SUCLG2: variants seen among roughly 807,000 people sequenced by gnomAD.
SUCLG2 encodes the protein succinate--CoA ligase [GDP-forming] subunit beta, mitochondrial.
A neutral mutation model predicts 47.9 loss-of-function variants in SUCLG2; 42 were observed. That is an observed-to-expected ratio of 0.88 (90% confidence interval 0.69 to 1.14). SUCLG2 has a LOEUF of 1.14. Ranked by LOEUF, SUCLG2 falls within the 50% of genes most tolerant of loss-of-function variation. The pLI, the probability that SUCLG2 is intolerant of heterozygous loss-of-function variation, is 0.00. For missense variants in SUCLG2, 571 were observed against 525.9 expected, an observed-to-expected ratio of 1.09 and a Z score of -0.84; for synonymous variants, 195 against 197.3, an observed-to-expected ratio of 0.99 and a Z score of 0.10.
In SUCLG2 at chr3:67,591,074, C is replaced by T. The variant is rs554759324; in HGVS notation, c.226+18381G>A. Among the ~76,000 whole-genome samples, 16 of 152,282 alleles carry T rather than the reference C, an allele frequency of 1.1e-4. No individual in the cohort carries two copies. In the South Asian group the frequency reaches 2.5e-3, roughly 24 times the overall value. ...GAAAAGTACATAATATACACTAATG[C>T]TGTGCATTTATTGATCTCTAATCGG... On this transcript the variant is annotated intron_variant, in intron 2 of 10. Transcript: ENST00000307227.
At chr3:67,467,229 C>T (rs770603449) in intron 9 of SUCLG2, among the ~76,000 whole-genome samples, 8 of 152,186 alleles carry the variant, frequency 5.3e-5, no homozygotes, top group Non-Finnish European at 1.0e-4. Context: ...AATAACTATC[C>T]TCCGAAATCT....
intron 10 of SUCLG2, among the ~76,000 whole-genome samples, chr3:67,393,855 G>A (rs1489949669): frequency 2.0e-5 from 3 of 152,052 alleles, no homozygotes; most frequent in African/African-American, 2.4e-5. Flanking sequence ...AGCAGCATTC[G>A]CGGTTCATGA....
At chr3:67,577,300 T>C (rs1038857798) in intron 2 of SUCLG2, among the ~76,000 whole-genome samples, 5 of 74,504 alleles carry the variant, frequency 6.7e-5, no homozygotes, top group Admixed American at 1.9e-4. Flanking sequence ...AGAGACAGAC[T>C]GTCTCAAAAA....
At chr3:67,360,903 A>G (rs1454290407) in intron 10 of SUCLG2, 3 of 748,184 alleles carry the variant, frequency 4.0e-6, no homozygotes, top group Non-Finnish European at 3.9e-6. Context: ...TTCTTCTCCC[A>G]CTGGAGGAAT....
intron 1 of SUCLG2, among the ~76,000 whole-genome samples, chr3:67,643,987 G>A (rs1701147703): frequency 6.6e-6 from 1 of 152,180 alleles, no homozygotes; most frequent in South Asian, 2.1e-4. Context: ...GGGCCTAATA[G>A]TGGACCTGTG....
chr3:67,376,174 A>AC (rs111437950), intron 10 of SUCLG2: 664,200 of 984,666 alleles, frequency 0.67, 224,370 homozygotes, highest in Middle Eastern at 0.82. Flanking sequence ...ACCAGAAGTC[A>AC]CTTGTCTTAA....
chr3:67,614,263 T>A (rs148508411), intron 1 of SUCLG2, among the ~76,000 whole-genome samples: 2 of 151,982 alleles, frequency 1.3e-5, no homozygotes, highest in Non-Finnish European at 2.9e-5. Context: ...CTGCCTAAAT[T>A]TGAGACTCTG....
intron 1 of SUCLG2, among the ~76,000 whole-genome samples, chr3:67,617,903 T>C (rs1700658938): frequency 6.6e-6 from 1 of 152,232 alleles, no homozygotes; most frequent in African/African-American, 2.4e-5. Flanking sequence ...AACAAGTAGA[T>C]ACCTGGCAAT....
chr3:67,587,515 C>G lies in SUCLG2; in HGVS notation c.226+21940G>C, dbSNP rs533063291. Reference sequence around the variant, plus strand: ...GTGACAAATGAATGTTGAAAAAGAGCTGGCATTTCTTCCAAGATTTGAGAA... The same window carrying G: ...GTGACAAATGAATGTTGAAAAAGAGGTGGCATTTCTTCCAAGATTTGAGAA... On this transcript the variant is annotated intron_variant, in intron 2 of 10. Transcript: ENST00000307227. Among the ~76,000 whole-genome samples, 24 of 152,292 alleles carry G rather than the reference C, an allele frequency of 1.6e-4. 1 individual carries two copies. In the East Asian group the frequency reaches 2.7e-3, roughly 17 times the overall value.
chr3:67,639,389 C>T (rs560203934), intron 1 of SUCLG2, among the ~76,000 whole-genome samples: 1 of 151,664 alleles, frequency 6.6e-6, no homozygotes, highest in African/African-American at 2.4e-5. Context: ...ACCAGTTGTC[C>T]GAGGCACAAA....
chr3:67,585,224 C>G (rs574710611), intron 2 of SUCLG2, among the ~76,000 whole-genome samples: 1 of 152,306 alleles, frequency 6.6e-6, no homozygotes, highest in African/African-American at 2.4e-5. Flanking sequence ...CTCTCTTTCT[C>G]TAATCACCTG....
Position 67,390,638 on chromosome 3 carries a change from T to A in SUCLG2, c.1183+10093A>T, listed in dbSNP as rs79526557. On this transcript the variant is annotated intron_variant, in intron 10 of 10. Transcript: ENST00000307227. The stretch of plus-strand genomic sequence containing the variant: ...TTTCTGGTGTGAATAAAGAACAAAT[T>A]ATCTGAAATGAGGGTTTTTTTTTTT... 7.6e-3 allele frequency among the ~76,000 whole-genome samples: 1,150 copies of A among 150,416 alleles called. 24 individuals are homozygous for A. The East Asian group carries it at 0.091, about 12-fold the overall frequency.
chr3:67,528,990 C>T, intron 3 of SUCLG2, 97 bp downstream of exon 3: 2 of 1,041,000 alleles, frequency 1.9e-6, no homozygotes, highest in Non-Finnish European at 2.8e-6. Flanking sequence ...CCCGCTCCTA[C>T]CCCACCACAA....
At chr3:67,456,948 T>C (rs1704200943) in intron 9 of SUCLG2, among the ~76,000 whole-genome samples, 2 of 152,218 alleles carry the variant, frequency 1.3e-5, no homozygotes, top group Non-Finnish European at 2.9e-5. Context: ...TTTATACCTT[T>C]ATGTAGTTTT....
chr3:67,523,126 C>T (rs1342692504), intron 4 of SUCLG2, among the ~76,000 whole-genome samples: 1 of 151,428 alleles, frequency 6.6e-6, no homozygotes, highest in Non-Finnish European at 1.5e-5. Flanking sequence ...ATGGGTTCCA[C>T]AAAAAAAAGT....
intron 9 of SUCLG2, among the ~76,000 whole-genome samples, chr3:67,452,799 G>A (rs1165206083): frequency 2.0e-5 from 3 of 152,124 alleles, no homozygotes; most frequent in East Asian, 1.9e-4. Flanking sequence ...ATTCAGGACC[G>A]CATTTCTAAA....
At chr3:67,553,835 T>C (rs1707085856) in intron 2 of SUCLG2, among the ~76,000 whole-genome samples, 1 of 152,198 alleles carries the variant, frequency 6.6e-6, no homozygotes, top group African/African-American at 2.4e-5. Context: ...GTAGAATCAA[T>C]ATCTACTTTG....
At chr3:67,369,864 T>C (rs562857476), downstream of SUCLG2, among the ~76,000 whole-genome samples, 5 of 152,330 alleles carry the variant, frequency 3.3e-5, no homozygotes, top group African/African-American at 1.2e-4. Context: ...AGTGGCACTA[T>C]GAACATTTTT....
intron 9 of SUCLG2, among the ~76,000 whole-genome samples, chr3:67,417,598 T>C (rs1703064904): frequency 6.6e-6 from 1 of 152,252 alleles, no homozygotes; most frequent in Non-Finnish European, 1.5e-5. Context: ...AATCTGATTC[T>C]TTAGTAAAAC....
Sources: gnomAD v4.1 joint callset for allele counts (sites outside exome capture counted in the v4.1 genomes callset) on GRCh38, gnomAD v4.1.1 for gene constraint, MANE v1.5 for transcripts, NCBI Gene and HGNC (gene_info 2026-07-23, HGNC 2026-07-21) for gene names.